The following PRICKLE1 variants were observed in gnomAD, a reference collection of about 807,000 sequenced individuals.
The protein encoded by PRICKLE1 is prickle planar cell polarity protein 1.
PRICKLE1 carries 14 observed loss-of-function variants against 70.2 expected under a neutral mutation model. The observed-to-expected ratio is 0.20, with a 90% CI of 0.13 to 0.31. PRICKLE1 has a LOEUF of 0.31. Among genes scored for constraint, PRICKLE1 ranks in the 10% least tolerant of loss-of-function variants. The probability of loss-of-function intolerance (pLI) is 1.00; values close to 1 mark genes in which losing one functional copy is unlikely to be tolerated. For synonymous variants in PRICKLE1, 357 were observed against 379.9 expected, an observed-to-expected ratio of 0.94 and a Z score of 0.70; for missense variants, 821 against 1,026.2, an observed-to-expected ratio of 0.80 and a Z score of 2.73.
At chr12:42,473,353 T>C (rs1452144426) in intron 1 of PRICKLE1, among the ~76,000 whole-genome samples, 1 of 152,204 alleles carries the variant, frequency 6.6e-6, no homozygotes, top group Non-Finnish European at 1.5e-5. Flanking sequence ...CAGTGCCTAG[T>C]ATGTGTGAAA....
At chr12:42,579,355 G>A (rs1027655352) in intron 1 of PRICKLE1, among the ~76,000 whole-genome samples, 1 of 152,156 alleles carries the variant, frequency 6.6e-6, no homozygotes, top group South Asian at 2.1e-4. Context: ...TTCGTTTAAA[G>A]TCCAGTACAA....
At chr12:42,512,723 T>C (rs1939537104) in intron 1 of PRICKLE1, among the ~76,000 whole-genome samples, 4 of 151,722 alleles carry the variant, frequency 2.6e-5, no homozygotes, top group African/African-American at 4.8e-5. Context: ...AGTGGTGTGA[T>C]CTCGGCTCAC....
intron 1 of PRICKLE1, among the ~76,000 whole-genome samples, chr12:42,492,371 A>G (rs895065827): frequency 2.0e-5 from 3 of 152,194 alleles, no homozygotes; most frequent in South Asian, 2.1e-4. Context: ...CTCTCCACCA[A>G]CTAGGATGGT....
chr12:42,546,940 G>GA (rs1277934275), intron 1 of PRICKLE1, among the ~76,000 whole-genome samples: 1 of 152,074 alleles, frequency 6.6e-6, no homozygotes, highest in African/African-American at 2.4e-5. Context: ...TGCAAGAAAA[G>GA]AAAAGAAAGA....
At chr12:42,478,196 A>G (rs906803642) in intron 1 of PRICKLE1, among the ~76,000 whole-genome samples, 18 of 152,098 alleles carry the variant, frequency 1.2e-4, no homozygotes, top group African/African-American at 3.9e-4. Flanking sequence ...ACCTAACCAC[A>G]GCTCAAAACA....
intron 1 of PRICKLE1, among the ~76,000 whole-genome samples, chr12:42,527,764 G>A (rs950674130): frequency 6.6e-6 from 1 of 151,756 alleles, no homozygotes. Flanking sequence ...AGAGTAAAAT[G>A]TTAGGAATTA....
intron 1 of PRICKLE1, among the ~76,000 whole-genome samples, chr12:42,560,207 GCTCACTGCAACCTC>G (rs140669010): frequency 0.13 from 19,597 of 150,876 alleles, 1,685 homozygotes; most frequent in Non-Finnish European, 0.19. Context: ...TGAGATCTTG[GCTCACTGCAACCTC>G]CATCTCTCAG....
intron 1 of PRICKLE1, among the ~76,000 whole-genome samples, chr12:42,563,121 T>C (rs1940547751): frequency 6.6e-6 from 1 of 151,612 alleles, no homozygotes. Context: ...AGACGGAGGT[T>C]GCAGTGAACC....
intron 1 of PRICKLE1, among the ~76,000 whole-genome samples, chr12:42,556,383 C>A (rs1022330850): frequency 1.3e-5 from 2 of 152,184 alleles, no homozygotes; most frequent in African/African-American, 2.4e-5. Context: ...ACCATCACCA[C>A]AATAATATCT....
In PRICKLE1 at chr12:42,469,949, T is replaced by C. The variant is rs1266305096; in HGVS notation, c.246+297A>G. The C allele has an allele frequency of 8.1e-6, 4 of 492,562 alleles. No individual in the cohort carries two copies. In the East Asian group the frequency reaches 1.2e-4, roughly 15 times the overall value. The allele number at this position is 492,562 out of a possible 1,614,324, so 30.5% of individuals were successfully genotyped here. On this transcript the variant is annotated intron_variant, in intron 3 of 7. Coordinates refer to ENST00000345127, the MANE Select transcript of PRICKLE1 (RefSeq NM_153026.3). Reference sequence around the variant, plus strand: ...ACTCAACTGCAGGCCTGAATGACCATAAAGCATTCACTCTGGATGCAGGGG... The same window carrying C: ...ACTCAACTGCAGGCCTGAATGACCACAAAGCATTCACTCTGGATGCAGGGG...
intron 1 of PRICKLE1, among the ~76,000 whole-genome samples, chr12:42,571,186 G>T (rs764768476): frequency 6.6e-6 from 1 of 151,974 alleles, no homozygotes; most frequent in Non-Finnish European, 1.5e-5. Flanking sequence ...TATTTGAACT[G>T]TGAAAGGAGG....
At chr12:42,517,743 C>T (rs1207700657) in intron 1 of PRICKLE1, among the ~76,000 whole-genome samples, 2 of 152,090 alleles carry the variant, frequency 1.3e-5, no homozygotes, top group East Asian at 3.9e-4. Flanking sequence ...CCCTTGAGGT[C>T]CCTAGTCTAA....
chr12:42,459,263 T>G lies in PRICKLE1; in HGVS notation c.*546A>C, dbSNP rs767986403. On this transcript the variant is annotated 3_prime_UTR_variant, in exon 8 of 8. Transcript: ENST00000345127. ...TAAATAGCAATGTTTTTTGTTTTTTTTTTTCAATCTGTAGCTGGCGCTGAT... is the reference window on the plus strand; with the variant it reads ...TAAATAGCAATGTTTTTTGTTTTTTGTTTTCAATCTGTAGCTGGCGCTGAT... 2.4e-4 allele frequency: 170 copies of G among 696,920 alleles called. 1 individual carries two copies. The highest frequency in any genetic ancestry group is 1.4e-4 in the Admixed American group (7 of 48,370). The allele number at this position is 696,920 out of a possible 1,614,324, so 43.2% of individuals were successfully genotyped here.
chr12:42,471,301 TC>T (rs34566033), intron 2 of PRICKLE1, among the ~76,000 whole-genome samples: 73,353 of 151,584 alleles, frequency 0.48, 18,133 homozygotes, highest in Admixed American at 0.56. Context: ...TAAAGGAACA[TC>T]CCTTAATGAG....
At chr12:42,477,780 C>T (rs923129468) in intron 1 of PRICKLE1, among the ~76,000 whole-genome samples, 1 of 151,896 alleles carries the variant, frequency 6.6e-6, no homozygotes, top group Non-Finnish European at 1.5e-5. Context: ...CAGGTATTGT[C>T]TCTTAAGGTT....
intron 1 of PRICKLE1, among the ~76,000 whole-genome samples, chr12:42,531,663 G>A (rs1939920107): frequency 6.6e-6 from 1 of 152,122 alleles, no homozygotes; most frequent in African/African-American, 2.4e-5. Context: ...ACAACTCAGA[G>A]TTGACTTTTC....
chr12:42,587,156 T>C (rs1181117861), intron 1 of PRICKLE1, among the ~76,000 whole-genome samples: 1 of 152,228 alleles, frequency 6.6e-6, no homozygotes, highest in Non-Finnish European at 1.5e-5. Flanking sequence ...TCTGTCACTT[T>C]AGTAAAATAT....
chr12:42,500,741 C>T (rs1453743596), intron 1 of PRICKLE1, among the ~76,000 whole-genome samples: 3 of 151,062 alleles, frequency 2.0e-5, no homozygotes, highest in Non-Finnish European at 4.4e-5. Context: ...TTTCTAGCAG[C>T]ATATCTGGGC....
intron 1 of PRICKLE1, among the ~76,000 whole-genome samples, chr12:42,568,201 G>A (rs1940653450): frequency 6.6e-6 from 1 of 152,152 alleles, no homozygotes; most frequent in Non-Finnish European, 1.5e-5. Flanking sequence ...TTGAGATGGG[G>A]TCTGGCTCTA....
Sources: gnomAD v4.1 joint callset for allele counts (sites outside exome capture counted in the v4.1 genomes callset) on GRCh38, gnomAD v4.1.1 for gene constraint, MANE v1.5 for transcripts, NCBI Gene and HGNC (gene_info 2026-07-23, HGNC 2026-07-21) for gene names.